Variants in FBXL17 observed in about 807,000 individuals in gnomAD.
FBXL17 encodes the protein F-box and leucine rich repeat protein 17.
Under a neutral mutation model 66.2 loss-of-function variants are expected in FBXL17, and 22 were observed. The observed-to-expected ratio is 0.33, with a 90% CI of 0.24 to 0.47. FBXL17 has a LOEUF of 0.47. Ranked by LOEUF, FBXL17 falls within the 20% of genes least tolerant of loss-of-function variation. The pLI, the probability that FBXL17 is intolerant of heterozygous loss-of-function variation, is 1.00. For missense variants in FBXL17, 878 were observed against 948.2 expected (o/e 0.93, Z 0.97); for synonymous variants, 474 against 400.5 (o/e 1.18, Z -2.19).
rs567140530 is a variant in FBXL17 at position 108,048,078 on chromosome 5, C to A, written c.1746-27077G>T. Among the ~76,000 whole-genome samples, 6 of 152,290 alleles carry A rather than the reference C, an allele frequency of 3.9e-5. No homozygotes were observed. The East Asian group carries it at 1.2e-3, about 30-fold the overall frequency. On this transcript the variant is annotated intron_variant, in intron 6 of 8. Coordinates refer to ENST00000542267, the MANE Select transcript of FBXL17 (RefSeq NM_001163315.3). ...TGGTGTCCCTCAAGGTCAGAGATCCCAGAGGAAGGAGCAGGCAGCCATCTG... is the reference window on the plus strand; with the variant it reads ...TGGTGTCCCTCAAGGTCAGAGATCCAAGAGGAAGGAGCAGGCAGCCATCTG...
At chr5:107,879,767 T>C in intron 8 of FBXL17, 1 of 985,416 alleles carries the variant, frequency 1.0e-6, no homozygotes, top group Non-Finnish European at 1.2e-6. Context: ...GTAGCACACA[T>C]GTGTAAATTA....
At chr5:107,880,735 T>C (rs1182994198) in intron 8 of FBXL17, 6 of 1,286,352 alleles carry the variant, frequency 4.7e-6, no homozygotes, top group Middle Eastern at 2.9e-4. Flanking sequence ...ATGTAATCTT[T>C]TACATTTTGG....
intron 7 of FBXL17, among the ~76,000 whole-genome samples, chr5:108,009,535 G>A (rs999234570): frequency 2.2e-4 from 34 of 151,292 alleles, no homozygotes; most frequent in African/African-American, 6.3e-4. Context: ...CAGCCATGTC[G>A]ACTCAACACA....
intron 4 of FBXL17, among the ~76,000 whole-genome samples, chr5:108,311,454 G>A (rs897761128): frequency 1.3e-5 from 2 of 152,228 alleles, no homozygotes; most frequent in East Asian, 1.9e-4. Context: ...TTACAGATGT[G>A]AGCTGCCACA....
chr5:108,070,461 T>C (rs2112861557), intron 6 of FBXL17, among the ~76,000 whole-genome samples: 1 of 152,368 alleles, frequency 6.6e-6, no homozygotes, highest in Non-Finnish European at 1.5e-5. Flanking sequence ...AAAATTATAC[T>C]GTTTTAAGTC....
At chr5:108,216,928 T>A (rs1397405529) in intron 5 of FBXL17, among the ~76,000 whole-genome samples, 1 of 152,178 alleles carries the variant, frequency 6.6e-6, no homozygotes. Flanking sequence ...CAGAAATGCC[T>A]TTGTCCTTTG....
chr5:108,066,316 T>A (rs1748116213), intron 6 of FBXL17, among the ~76,000 whole-genome samples: 1 of 152,158 alleles, frequency 6.6e-6, no homozygotes, highest in Non-Finnish European at 1.5e-5. Context: ...TAATATTCAT[T>A]TCTATAACAT....
intron 6 of FBXL17, among the ~76,000 whole-genome samples, chr5:108,123,068 C>T (rs1372033609): frequency 6.7e-6 from 1 of 150,310 alleles, no homozygotes; most frequent in Non-Finnish European, 1.5e-5. Context: ...ATAAAATCTC[C>T]TACTTCTCCA....
intron 7 of FBXL17, among the ~76,000 whole-genome samples, chr5:107,902,285 A>C (rs1290167237): frequency 1.3e-5 from 2 of 152,148 alleles, no homozygotes; most frequent in Admixed American, 6.6e-5. Context: ...ACAGTATATA[A>C]AGTTGGAATT....
chr5:108,062,376 T>C (rs1376416874), intron 6 of FBXL17, among the ~76,000 whole-genome samples: 2 of 152,150 alleles, frequency 1.3e-5, no homozygotes, highest in African/African-American at 4.8e-5. Flanking sequence ...CTATCTAACA[T>C]GAGGCTAGAA....
chr5:108,211,399 T>C lies in FBXL17; in HGVS notation c.1614+12722A>G, dbSNP rs143011803. Among the ~76,000 whole-genome samples the C allele has an allele frequency of 2.7e-3, 408 of 152,326 alleles. 4 individuals are homozygous for C. The East Asian group carries it at 0.038, about 14-fold the overall frequency. ...CTAGCTGGTTCTTTTGCTCGTTAGT[T>C]GATGGAGTTTCTTCATAGTATCGAT... On this transcript the variant is annotated intron_variant, in intron 5 of 8. Coordinates refer to ENST00000542267, the MANE Select transcript of FBXL17 (RefSeq NM_001163315.3).
chr5:108,200,962 A>G (rs556298977), intron 5 of FBXL17, among the ~76,000 whole-genome samples: 20 of 152,290 alleles, frequency 1.3e-4, no homozygotes, highest in African/African-American at 4.8e-4. Flanking sequence ...TAATCCCAAA[A>G]TTATTAGAGA....
At chr5:107,887,919 A>T (rs186849538) in intron 7 of FBXL17, among the ~76,000 whole-genome samples, 303 of 152,268 alleles carry the variant, frequency 2.0e-3, no homozygotes, top group African/African-American at 7.0e-3. Context: ...AAAACAAAAG[A>T]GCTCCCTTTT....
chr5:108,174,369 C>T (rs1454713156), intron 6 of FBXL17, among the ~76,000 whole-genome samples: 1 of 152,048 alleles, frequency 6.6e-6, no homozygotes, highest in East Asian at 1.9e-4. Flanking sequence ...AATTATATTG[C>T]TCACTAATCT....
intron 7 of FBXL17, among the ~76,000 whole-genome samples, chr5:107,953,073 G>T (rs1000047137): frequency 9.8e-5 from 14 of 142,308 alleles, no homozygotes; most frequent in Non-Finnish European, 2.0e-4. Flanking sequence ...AAGGTACAAG[G>T]AATTTCAAGA....
intron 6 of FBXL17, among the ~76,000 whole-genome samples, chr5:108,173,410 A>T (rs867404360): frequency 6.6e-6 from 1 of 151,076 alleles, no homozygotes; most frequent in African/African-American, 2.4e-5. Flanking sequence ...ATAATAAAAT[A>T]AAAAAAAGAA....
intron 4 of FBXL17, among the ~76,000 whole-genome samples, chr5:108,301,576 T>C (rs1192795576): frequency 6.6e-6 from 1 of 151,804 alleles, no homozygotes; most frequent in Non-Finnish European, 1.5e-5. Context: ...TCTAGGGCAG[T>C]TGTTTGTTTT....
intron 7 of FBXL17, among the ~76,000 whole-genome samples, chr5:107,960,265 T>G (rs1751842567): frequency 6.6e-6 from 1 of 152,206 alleles, no homozygotes; most frequent in South Asian, 2.1e-4. Context: ...TGTGATATTT[T>G]AAGATATGTA....
At chr5:108,041,332 A>C (rs1747037894) in intron 6 of FBXL17, among the ~76,000 whole-genome samples, 1 of 152,228 alleles carries the variant, frequency 6.6e-6, no homozygotes, top group African/African-American at 2.4e-5. Context: ...TCATGTCGCA[A>C]GGCATTTGTC....
Sources: allele counts gnomAD v4.1 joint callset (sites outside exome capture counted in the v4.1 genomes callset), GRCh38; gene constraint gnomAD v4.1.1; transcripts MANE v1.5; gene names NCBI Gene and HGNC (gene_info 2026-07-23, HGNC 2026-07-21).